The following FHIP2A variants were observed in gnomAD, a reference collection of about 807,000 sequenced individuals.
The protein encoded by FHIP2A is family with sequence similarity 160 member B1.
In FHIP2A, 46 loss-of-function variants were observed where a neutral mutation model predicts 93.5. The ratio of observed to expected loss-of-function variants is 0.49; its 90% CI spans 0.39 to 0.63. FHIP2A has a LOEUF of 0.63. Among genes scored for constraint, FHIP2A ranks in the 20% least tolerant of loss-of-function variants. FHIP2A has a pLI of 0.00. For missense variants in FHIP2A, 769 were observed against 909.7 expected (o/e 0.85, Z 1.99); for synonymous variants, 332 against 326.5 (o/e 1.02, Z -0.18).
intron 16 of FHIP2A, among the ~76,000 whole-genome samples, chr10:114,896,601 G>T (rs1023882268): frequency 6.6e-6 from 1 of 152,180 alleles, no homozygotes; most frequent in African/African-American, 2.4e-5. Flanking sequence ...GAATGCAACC[G>T]TTTGTGTTTC....
intron 2 of FHIP2A, 62 bp from the exon 3 acceptor site, chr10:114,833,171 T>C: frequency 7.6e-7 from 1 of 1,310,304 alleles, no homozygotes; most frequent in Non-Finnish European, 1.1e-6. Context: ...ACAGAGTATT[T>C]TAGGTGCAAA....
intron 16 of FHIP2A, among the ~76,000 whole-genome samples, chr10:114,889,336 G>T (rs1435962374): frequency 6.6e-6 from 1 of 152,098 alleles, no homozygotes; most frequent in Non-Finnish European, 1.5e-5. Context: ...AATACGCCTG[G>T]GTTACAGCAA....
chr10:114,862,598 T>C lies in FHIP2A; in HGVS notation c.*1058T>C. The stretch of plus-strand genomic sequence containing the variant: ...ATGTCCTATTTACATGTTAAAGGAT[T>C]TGGGGAAATTGGGTATGTATGTGAA... On this transcript the variant is annotated 3_prime_UTR_variant, in exon 17 of 17. Transcript: ENST00000369248. 1 of 986,510 alleles carries C rather than the reference T, an allele frequency of 1.0e-6. No homozygotes were observed. Among genetic ancestry groups the C allele is most frequent in the Non-Finnish European group, 1.2e-6 (1 of 830,068 alleles). The allele number at this position is 986,510 out of a possible 1,614,324, so 61.1% of individuals were successfully genotyped here.
intron 1 of FHIP2A, among the ~76,000 whole-genome samples, chr10:114,825,270 C>T (rs1314826510): frequency 6.6e-6 from 1 of 152,168 alleles, no homozygotes; most frequent in Admixed American, 6.5e-5. Flanking sequence ...GAGTGAGCCT[C>T]CCACCTCCAT....
chr10:114,884,911 CAA>C (rs35889495), intron 16 of FHIP2A, among the ~76,000 whole-genome samples: 20 of 123,948 alleles, frequency 1.6e-4, no homozygotes, highest in East Asian at 2.7e-4. Context: ...GAGACTCCAT[CAA>C]AAAAAAAAAA....
chr10:114,835,490 G>A lies in FHIP2A; in HGVS notation c.295-47G>A, dbSNP rs182379478. ...TTTAAGCTTTTCAGTAAATGTGTTT[G>A]CATTGTCTGTTGTTTTCCTGTTGGC... On this transcript the variant is annotated intron_variant, in intron 3 of 16. Transcript: ENST00000369248. 1,539 of 1,128,784 alleles carry A rather than the reference G, an allele frequency of 1.4e-3. 16 individuals are homozygous for A. The highest frequency in any genetic ancestry group is 0.014 in the Admixed American group (757 of 55,882). The allele number at this position is 1,128,784 out of a possible 1,614,324, so 69.9% of individuals were successfully genotyped here.
intron 13 of FHIP2A, among the ~76,000 whole-genome samples, chr10:114,851,485 G>T (rs2083735642): frequency 6.6e-6 from 1 of 151,980 alleles, no homozygotes; most frequent in South Asian, 2.1e-4. Flanking sequence ...TATTTTCCGT[G>T]TATTGACTTT....
rs556357165 is a variant in FHIP2A, at chr10:114,864,661, A to G, written c.*3121A>G. 1.0e-6 allele frequency: 1 copy of G among 985,552 alleles called. No individual in the cohort carries two copies. Among genetic ancestry groups the G allele is most frequent in the Non-Finnish European group, 1.2e-6 (1 of 829,734 alleles). The allele number at this position is 985,552 out of a possible 1,614,324, so 61.1% of individuals were successfully genotyped here. A position where few individuals can be genotyped will look rare whatever the true frequency, so the allele number is the denominator to read the frequency against. On this transcript the variant is annotated 3_prime_UTR_variant, in exon 17 of 17. Coordinates refer to ENST00000369248, the MANE Select transcript of FHIP2A (RefSeq NM_020940.4). ...TCAAGTTCAACTTTTTGTGCTAACA[A>G]TGCATGCAGGACTAAGAGGGATGAT...
At chr10:114,890,420 A>ATT (rs1405367890) in intron 16 of FHIP2A, among the ~76,000 whole-genome samples, 2 of 150,536 alleles carry the variant, frequency 1.3e-5, no homozygotes, top group Non-Finnish European at 3.0e-5. Flanking sequence ...GTGATTTATG[A>ATT]TTATATATAT....
chr10:114,853,180 G>T (rs1312502965), intron 13 of FHIP2A, among the ~76,000 whole-genome samples: 3 of 152,122 alleles, frequency 2.0e-5, no homozygotes, highest in African/African-American at 7.2e-5. Flanking sequence ...CTCAAAATAT[G>T]TAGCTTAGAG....
chr10:114,874,267 T>TA (rs2083873171), intron 16 of FHIP2A, among the ~76,000 whole-genome samples: 2 of 152,054 alleles, frequency 1.3e-5, no homozygotes, highest in South Asian at 4.2e-4. Flanking sequence ...GATCTTTAAT[T>TA]TTTTTTCCCA....
intron 11 of FHIP2A, 43 bp from the exon 12 acceptor site, chr10:114,847,047 A>G (rs757370572): frequency 3.3e-6 from 5 of 1,503,260 alleles, no homozygotes; most frequent in Non-Finnish European, 4.5e-6. Context: ...AGAAAATGTC[A>G]TAATAAAATA....
Position 114,862,951 on chromosome 10 carries a change from C to A in FHIP2A, c.*1411C>A. The stretch of plus-strand genomic sequence containing the variant: ...GCATTGTGTGGCATGTGCATAGAGG[C>A]TTGTTTTACACCTATCTGCTCATTT... On this transcript the variant is annotated 3_prime_UTR_variant, in exon 17 of 17. Coordinates refer to ENST00000369248, the MANE Select transcript of FHIP2A (RefSeq NM_020940.4). The A allele has an allele frequency of 1.0e-6, 1 of 985,372 alleles. No individual in the cohort carries two copies. Among genetic ancestry groups the A allele is most frequent in the Non-Finnish European group, 1.2e-6 (1 of 829,908 alleles). The allele number at this position is 985,372 out of a possible 1,614,324, so 61.0% of individuals were successfully genotyped here.
chr10:114,884,780 G>A (rs2083933676), intron 16 of FHIP2A, among the ~76,000 whole-genome samples: 1 of 151,898 alleles, frequency 6.6e-6, no homozygotes, highest in Admixed American at 6.6e-5. Context: ...TAGGTGTGGT[G>A]GCATGTGCCT....
intron 5 of FHIP2A, among the ~76,000 whole-genome samples, chr10:114,841,988 A>G (rs904324411): frequency 1.3e-5 from 2 of 152,182 alleles, no homozygotes; most frequent in African/African-American, 4.8e-5. Flanking sequence ...GAGCACCAGC[A>G]TTTCAAGCAA....
intron 1 of FHIP2A, among the ~76,000 whole-genome samples, chr10:114,828,709 C>T (rs1164132745): frequency 6.6e-6 from 1 of 151,974 alleles, no homozygotes; most frequent in Non-Finnish European, 1.5e-5. Flanking sequence ...CTTATTTTTT[C>T]CCTCAATCTC....
Position 114,860,763 on chromosome 10 carries a change from C to A in FHIP2A, c.1962C>A (p.Asn654Lys). The change falls in exon 15 of 17, where the codon AAC becomes AAA. Residue 654 changes from asparagine to lysine, a missense_variant. Physicochemically the swap from Asn to Lys is moderately conservative, Grantham distance 94 (BLOSUM62 0). Coordinates refer to ENST00000369248, the MANE Select transcript of FHIP2A (RefSeq NM_020940.4). ...GRILDQPYDV[N>K]LQVTSVLSRL... ...TCTCTCCATAGCCATATGATGTAAA[C>A]TTACAAGTAACCTCAGTGTTATCTA... The A allele has an allele frequency of 6.2e-7, 1 of 1,601,428 alleles. No individual in the cohort carries two copies. The highest frequency in any genetic ancestry group is 8.6e-7 in the Non-Finnish European group (1 of 1,168,510).
At chr10:114,826,880 G>T (rs1439750958) in intron 1 of FHIP2A, among the ~76,000 whole-genome samples, 1 of 152,188 alleles carries the variant, frequency 6.6e-6, no homozygotes, top group Non-Finnish European at 1.5e-5. Flanking sequence ...TGTAATCCCA[G>T]CTACTTGGGA....
intron 14 of FHIP2A, among the ~76,000 whole-genome samples, chr10:114,858,511 A>G (rs2083779783): frequency 6.6e-6 from 1 of 152,104 alleles, no homozygotes; most frequent in Admixed American, 6.5e-5. Flanking sequence ...TTAGTGACCT[A>G]AAAATCTTAA....
Sources: allele counts gnomAD v4.1 joint callset (sites outside exome capture counted in the v4.1 genomes callset), GRCh38; gene constraint gnomAD v4.1.1; transcripts MANE v1.5; gene names NCBI Gene and HGNC (gene_info 2026-07-23, HGNC 2026-07-21).